CLK4: variants seen among roughly 807,000 people sequenced by gnomAD.
CLK4 encodes CDC like kinase 4.
Under a neutral mutation model 64.4 loss-of-function variants are expected in CLK4, and 37 were observed. The ratio of observed to expected loss-of-function variants is 0.57; its 90% confidence interval spans 0.44 to 0.76. CLK4 has a LOEUF of 0.76. Among genes scored for constraint, CLK4 ranks in the 30% least tolerant of loss-of-function variants. The pLI is 0.00. For missense variants in CLK4, 457 were observed against 605.1 expected, an observed-to-expected ratio of 0.76 and a Z score of 2.57; for synonymous variants, 175 against 191.6, an observed-to-expected ratio of 0.91 and a Z score of 0.72.
intron 10 of CLK4, among the ~76,000 whole-genome samples, chr5:178,606,130 C>T (rs550020995): frequency 1.3e-5 from 2 of 152,280 alleles, no homozygotes; most frequent in Admixed American, 1.3e-4. Context: ...TAAAGAAATT[C>T]CTTAGTTTAA....
Position 178,617,593 on chromosome 5 carries a change from C to T in CLK4, c.385-159G>A. The T allele has an allele frequency of 1.2e-6, 1 of 805,788 alleles. No homozygotes were observed. Among genetic ancestry groups the T allele is most frequent in the Non-Finnish European group, 1.7e-6 (1 of 572,766 alleles). 49.9% of individuals were successfully genotyped at this position (805,788 alleles called of 1,614,324 possible). ...GGCAGGAGCAATTTCAAATTCAGTC[C>T]CCAGAAATTCACAGGGCACAGTTTA... On this transcript the variant is annotated intron_variant, in intron 3 of 12. Coordinates refer to ENST00000316308, the MANE Select transcript of CLK4 (RefSeq NM_020666.3). The surrounding 1 kb of genome is among the most constrained non-coding windows in gnomAD (Gnocchi z 5.2).
At chr5:178,615,774 TC>T (rs1490876611) in intron 5 of CLK4, among the ~76,000 whole-genome samples, 5 of 152,222 alleles carry the variant, frequency 3.3e-5, no homozygotes, top group African/African-American at 1.2e-4. Flanking sequence ...TCGCAAAAGT[TC>T]TAAGAGCTTC....
intron 2 of CLK4, 61 bp downstream of exon 2, chr5:178,623,195 A>C (rs1764732004): frequency 6.9e-7 from 1 of 1,459,620 alleles, no homozygotes; most frequent in South Asian, 1.2e-5. Context: ...CTATATAAGC[A>C]AATGACAAAT....
intron 9 of CLK4, among the ~76,000 whole-genome samples, chr5:178,612,087 C>T (rs1180512588): frequency 2.0e-5 from 3 of 152,176 alleles, no homozygotes; most frequent in Non-Finnish European, 1.5e-5. Flanking sequence ...CAGCCATGTG[C>T]TTTTGTGATG....
At chr5:178,605,193 G>T in intron 11 of CLK4, 110 bp downstream of exon 11, 32 of 435,652 alleles carry the variant, frequency 7.3e-5, no homozygotes, top group East Asian at 1.3e-4. Flanking sequence ...AAAAAAAAAA[G>T]TCAAAATCTA....
At chr5:178,615,685 T>C (rs1363267906) in intron 5 of CLK4, among the ~76,000 whole-genome samples, 1 of 152,210 alleles carries the variant, frequency 6.6e-6, no homozygotes, top group Non-Finnish European at 1.5e-5. Context: ...TTAATATTAA[T>C]ATTTACAACA....
intron 1 of CLK4, among the ~76,000 whole-genome samples, chr5:178,626,269 AGCCTATCTG>A (rs2113818625): frequency 6.6e-6 from 1 of 152,306 alleles, no homozygotes; most frequent in Non-Finnish European, 1.5e-5. Context: ...GGATCGGATA[AGCCTATCTG>A]GACTATTTAG....
intron 5 of CLK4, 49 bp from the exon 6 acceptor site, chr5:178,613,892 G>A (rs1222378109): frequency 2.9e-6 from 4 of 1,379,984 alleles, no homozygotes; most frequent in Non-Finnish European, 4.1e-6. Flanking sequence ...AGAGTGAGCT[G>A]AAGCCATGTT....
intron 1 of CLK4, among the ~76,000 whole-genome samples, chr5:178,624,681 G>T (rs147617930): frequency 1.3e-5 from 2 of 152,226 alleles, no homozygotes; most frequent in African/African-American, 4.8e-5. Flanking sequence ...AAAAAGAGAA[G>T]AATTTCACAA....
Position 178,625,223 on chromosome 5 carries a change from G to GCCCA in CLK4, c.-1+1719_-1+1722dup, listed in dbSNP as rs540691451. ...GACGCAGTGGCGCCTCATCCCTTGA[G>GCCCA]CCCAGGAATTCGAGACTGGCCTGGG... On this transcript the variant is annotated intron_variant, in intron 1 of 12. Transcript: ENST00000316308. 6.6e-4 allele frequency among the ~76,000 whole-genome samples: 101 copies of GCCCA among 152,164 alleles called. No individual in the cohort carries two copies. The Middle Eastern group carries it at 0.01, about 15-fold the overall frequency.
At chr5:178,605,178 G>GAAAA in intron 11 of CLK4, 125 bp downstream of exon 11, 2 of 348,162 alleles carry the variant, frequency 5.7e-6, no homozygotes, top group Non-Finnish European at 9.6e-6. Flanking sequence ...CTCCAGTACA[G>GAAAA]AAAAAAAAAA....
chr5:178,604,093 T>A (rs570615591), intron 11 of CLK4, 159 bp from the exon 12 acceptor site: 13 of 515,322 alleles, frequency 2.5e-5, no homozygotes, highest in Non-Finnish European at 3.0e-5. Context: ...AACAATTATA[T>A]ATCGGACACC....
intron 2 of CLK4, chr5:178,620,344 A>G (rs1764692217): frequency 4.2e-6 from 1 of 238,810 alleles, no homozygotes; most frequent in Non-Finnish European, 8.5e-6. Flanking sequence ...AAAAACTAGC[A>G]CTAACAATCT....
intron 9 of CLK4, among the ~76,000 whole-genome samples, chr5:178,610,657 C>T (rs1250305460): frequency 6.6e-6 from 1 of 152,066 alleles, no homozygotes; most frequent in Non-Finnish European, 1.5e-5. Flanking sequence ...TGGCTCACAC[C>T]TATAATCCCA....
Position 178,619,774 on chromosome 5 carries a change from C to T in CLK4, c.162-996G>A, listed in dbSNP as rs1411718792. 6 of 1,286,610 alleles carry T rather than the reference C, an allele frequency of 4.7e-6. No individual in the cohort carries two copies. In the South Asian group the frequency reaches 7.4e-5, roughly 16 times the overall value. 79.7% of individuals were successfully genotyped at this position (1,286,610 alleles called of 1,614,324 possible). On this transcript the variant is annotated intron_variant, in intron 2 of 12. Coordinates refer to ENST00000316308, the MANE Select transcript of CLK4 (RefSeq NM_020666.3). ...TGTCAATGGATCCCAGTTAAGTGGC[C>T]TTGATCTGATGGAAAGAAAAGGACA...
At chr5:178,609,738 T>C (rs1279434109) in intron 9 of CLK4, among the ~76,000 whole-genome samples, 1 of 90,810 alleles carries the variant, frequency 1.1e-5, no homozygotes, top group Non-Finnish European at 1.9e-5. Flanking sequence ...TTTTAAAATA[T>C]ATATATATAT....
chr5:178,609,554 A>G (rs901020093), intron 9 of CLK4, among the ~76,000 whole-genome samples: 20 of 151,882 alleles, frequency 1.3e-4, no homozygotes, highest in Middle Eastern at 3.2e-3. Flanking sequence ...GTGGTGGCAG[A>G]CGCCTGTAAT....
At chr5:178,614,193 C>A (rs1171999614) in intron 5 of CLK4, among the ~76,000 whole-genome samples, 1 of 152,238 alleles carries the variant, frequency 6.6e-6, no homozygotes, top group Non-Finnish European at 1.5e-5. Context: ...TAGGCCTACT[C>A]TGTGCCAGGC....
intron 5 of CLK4, among the ~76,000 whole-genome samples, chr5:178,614,306 G>A (rs956193930): frequency 6.6e-6 from 1 of 152,190 alleles, no homozygotes; most frequent in Non-Finnish European, 1.5e-5. Context: ...CTTCACAGAA[G>A]AGGTGACACA....
Sources: allele counts gnomAD v4.1 joint callset (sites outside exome capture counted in the v4.1 genomes callset), GRCh38; gene constraint gnomAD v4.1.1; non-coding constraint Gnocchi (gnomAD v3.1); transcripts MANE v1.5; gene names NCBI Gene and HGNC (gene_info 2026-07-23, HGNC 2026-07-21).